The following GCFC2 variants were observed in gnomAD, a reference collection of about 807,000 sequenced individuals.
GCFC2 encodes intron Large complex component GCFC2.
A neutral mutation model predicts 99.4 loss-of-function variants in GCFC2; 102 were observed. That is an observed-to-expected ratio of 1.03 (90% confidence interval 0.87 to 1.21). The LOEUF is 1.21. Among genes scored for constraint, GCFC2 ranks in the 50% most tolerant of loss-of-function variants. The pLI, the probability that GCFC2 is intolerant of heterozygous loss-of-function variation, is 0.00. For missense variants in GCFC2, 973 were observed against 920.9 expected, an observed-to-expected ratio of 1.06 and a Z score of -0.73; for synonymous variants, 338 against 316.8, an observed-to-expected ratio of 1.07 and a Z score of -0.71.
chr2:75,692,932 C>T (rs935535574), intron 6 of GCFC2, among the ~76,000 whole-genome samples: 4 of 152,174 alleles, frequency 2.6e-5, no homozygotes, highest in Non-Finnish European at 5.9e-5. Context: ...AGCAACAATT[C>T]CTCCTACTCC....
chr2:75,705,028 T>A (rs925332008), intron 2 of GCFC2, among the ~76,000 whole-genome samples: 13 of 152,194 alleles, frequency 8.5e-5, no homozygotes, highest in Non-Finnish European at 1.0e-4. Flanking sequence ...TATGTGAGTA[T>A]TCAAATATAA....
chr2:75,701,070 TC>T, intron 4 of GCFC2, 119 bp downstream of exon 4: 1 of 628,162 alleles, frequency 1.6e-6, no homozygotes, highest in Non-Finnish European at 2.8e-6. Context: ...TACCTTGACT[TC>T]AGATTTTGGC....
chr2:75,691,944 TAATA>T (rs771320282), intron 7 of GCFC2, 29 bp downstream of exon 7: 3 of 1,206,612 alleles, frequency 2.5e-6, no homozygotes, highest in Non-Finnish European at 3.4e-6. Context: ...GCTTAATGAA[TAATA>T]AATTGTATGG....
chr2:75,711,041 C>G, upstream of GCFC2: 41 of 1,334,766 alleles, frequency 3.1e-5, no homozygotes, highest in Non-Finnish European at 3.7e-5. Flanking sequence ...TCTGGTAGGC[C>G]GAGTTCTGTT....
chr2:75,710,703 G>T lies in GCFC2; in HGVS notation c.153C>A (p.Arg51=), dbSNP rs1681121047. 1 of 1,535,004 alleles carries T rather than the reference G, an allele frequency of 6.5e-7. No homozygotes were observed. Among genetic ancestry groups the T allele is most frequent in the South Asian group, 1.2e-5 (1 of 83,156 alleles). Residue 51 remains arginine (R), a synonymous_variant, in exon 1 of 17, where the codon CGC becomes CGA. Transcript: ENST00000321027. ...AEEEPPSGGG[R]AQVAGLPHRV... ...GGTGGGGCAGTCCCGCCACCTGCGC[G>T]CGGCCTCCTCCAGAGGGCGGCTCTT...
At chr2:75,693,355 G>A (rs184555874) in intron 6 of GCFC2, among the ~76,000 whole-genome samples, 197 of 152,180 alleles carry the variant, frequency 1.3e-3, no homozygotes, top group African/African-American at 4.4e-3. Flanking sequence ...CACGAGAATC[G>A]CTTGAACCTA....
chr2:75,707,473 T>C (rs1163067942), intron 1 of GCFC2, among the ~76,000 whole-genome samples: 2 of 152,206 alleles, frequency 1.3e-5, no homozygotes, highest in African/African-American at 4.8e-5. Context: ...TAAGATTACA[T>C]ACTACTCATT....
chr2:75,677,538 TATA>T (rs1304527452), intron 12 of GCFC2, among the ~76,000 whole-genome samples: 1 of 152,202 alleles, frequency 6.6e-6, no homozygotes, highest in Non-Finnish European at 1.5e-5. Context: ...CTAAGCATAC[TATA>T]GTGCACAGGA....
chr2:75,695,864 T>G (rs934213225), intron 5 of GCFC2, among the ~76,000 whole-genome samples: 2 of 152,168 alleles, frequency 1.3e-5, no homozygotes, highest in African/African-American at 4.8e-5. Context: ...CTGGGCAGGA[T>G]GAAGCAGGGC....
chr2:75,712,871 C>T (rs138538137), upstream of GCFC2, among the ~76,000 whole-genome samples: 228 of 152,264 alleles, frequency 1.5e-3, 2 homozygotes, highest in Non-Finnish European at 2.7e-3. Flanking sequence ...CCACCAATTC[C>T]GGACACAATA....
Position 75,710,756 on chromosome 2 carries a change from C to T in GCFC2, c.100G>A (p.Glu34Lys), listed in dbSNP as rs745527110. Residue 34 changes from glutamate to lysine, a missense_variant, in exon 1 of 17, where the codon GAA becomes AAA. Physicochemically the swap from Glu to Lys is moderately conservative, Grantham distance 56. Coordinates refer to ENST00000321027, the MANE Select transcript of GCFC2 (RefSeq NM_003203.5). ...TCCGCAGAACCCGGGACCGGAAGTT[C>T]CCTCGGCGCCCCAGGCTCAGCAGGC... ...ESPAEPGAPR[E>K]LPVPGSAEEE... The T allele has an allele frequency of 5.7e-6, 9 of 1,566,798 alleles. No individual in the cohort carries two copies. The East Asian group carries it at 1.7e-4, about 29-fold the overall frequency.
At chr2:75,664,957 C>G (rs1678769045) in intron 16 of GCFC2, among the ~76,000 whole-genome samples, 174 bp from the exon 17 acceptor site, 1 of 152,052 alleles carries the variant, frequency 6.6e-6, no homozygotes, top group Non-Finnish European at 1.5e-5. Flanking sequence ...TTATAAAGTT[C>G]AAATACAGAT....
intron 1 of GCFC2, among the ~76,000 whole-genome samples, chr2:75,707,039 T>G (rs1680903787): frequency 6.6e-6 from 1 of 152,228 alleles, no homozygotes; most frequent in African/African-American, 2.4e-5. Flanking sequence ...TTTACATGAC[T>G]TATTTAATAC....
chr2:75,710,827 C>T lies in GCFC2; in HGVS notation c.29G>A (p.Arg10Gln). The change falls in exon 1 of 17, where the codon CGG (arginine) becomes CAG (glutamine). Residue 10 changes from arginine (R) to glutamine (Q), a missense_variant. By Grantham distance (43) the Arg-to-Gln change is conservative. Transcript: ENST00000321027. MAHRPKRTF[R>Q]QRAADSSDSD... ...GTCGCTGGAATCAGCCGCGCGCTGC[C>T]GAAAAGTCCTTTTCGGCCTGTGAGC... 1 of 1,578,186 alleles carries T rather than the reference C, an allele frequency of 6.3e-7. No homozygotes were observed. Among genetic ancestry groups the T allele is most frequent in the Non-Finnish European group, 8.5e-7 (1 of 1,169,846 alleles).
intron 4 of GCFC2, 22 bp downstream of exon 4, chr2:75,701,168 A>G: frequency 1.7e-6 from 2 of 1,207,604 alleles, no homozygotes; most frequent in Non-Finnish European, 2.5e-6. Flanking sequence ...AATCTAATAC[A>G]CATGGGATAA....
intron 11 of GCFC2, 108 bp from the exon 12 acceptor site, chr2:75,680,422 T>A (rs1313541978): frequency 3.0e-5 from 24 of 787,946 alleles, no homozygotes; most frequent in Middle Eastern, 7.1e-4. Flanking sequence ...CTTATTCAGT[T>A]TAAGTTCCAT....
rs1229005959 is a variant in GCFC2, at chr2:75,710,635, G to C, written c.221C>G (p.Ser74Cys). ...PRGRGRVWASSRRATKAAPRA... is the reference protein window; with the variant it reads ...PRGRGRVWASCRRATKAAPRA... ...GGGAGCCGCTTTGGTGGCACGCCGG[G>C]AGCTCGCCCAGACCCGGCCCCGGCC... Residue 74 changes from serine (S) to cysteine (C), a missense_variant, in exon 1 of 17, where the codon TCC (serine) becomes TGC (cysteine). Ser to Cys is a moderately radical substitution (Grantham distance 112, BLOSUM62 -1). Transcript: ENST00000321027. The C allele has an allele frequency of 3.3e-6, 5 of 1,517,616 alleles. No individual in the cohort carries two copies. The highest frequency in any genetic ancestry group is 1.8e-6 in the Non-Finnish European group (2 of 1,139,624). The allele number at this position is 1,517,616 out of a possible 1,614,324, so 94.0% of individuals were successfully genotyped here.
At chr2:75,712,069 G>T (rs754274301), upstream of GCFC2, among the ~76,000 whole-genome samples, 1 of 152,230 alleles carries the variant, frequency 6.6e-6, no homozygotes, top group Non-Finnish European at 1.5e-5. Flanking sequence ...GAGTCTTTAT[G>T]TCTAGCTCAG....
chr2:75,673,542 G>C, intron 12 of GCFC2, 22 bp from the exon 13 acceptor site: 1 of 979,276 alleles, frequency 1.0e-6, no homozygotes, highest in Non-Finnish European at 1.6e-6. Context: ...AATTTGAAAA[G>C]CATCAGTGAT....
Sources: allele counts gnomAD v4.1 joint callset (sites outside exome capture counted in the v4.1 genomes callset), GRCh38; gene constraint gnomAD v4.1.1; transcripts MANE v1.5; gene names NCBI Gene and HGNC (gene_info 2026-07-23, HGNC 2026-07-21).